Variants in NCOA1 observed in about 807,000 individuals in gnomAD.
The protein encoded by NCOA1 is nuclear receptor coactivator 1.
NCOA1 carries 35 observed loss-of-function variants against 150.9 expected under a neutral mutation model. The ratio of observed to expected loss-of-function variants is 0.23; its 90% confidence interval spans 0.18 to 0.31. NCOA1 has a LOEUF of 0.31. Ranked by LOEUF, NCOA1 falls within the 10% of genes least tolerant of loss-of-function variation. The pLI is 1.00. For missense variants in NCOA1, 1,491 were observed against 1,749.3 expected (o/e 0.85, Z 2.63); for synonymous variants, 590 against 630.0 (o/e 0.94, Z 0.95).
At chr2:24,644,658 G>A (rs1321397520) in intron 4 of NCOA1, among the ~76,000 whole-genome samples, 2 of 151,992 alleles carry the variant, frequency 1.3e-5, no homozygotes, top group East Asian at 1.9e-4. Flanking sequence ...ACTAATGGGA[G>A]CAGTAGAAAA....
intron 1 of NCOA1, among the ~76,000 whole-genome samples, chr2:24,526,569 A>C (rs1460344414): frequency 6.6e-6 from 1 of 152,196 alleles, no homozygotes; most frequent in Non-Finnish European, 1.5e-5. Context: ...TCCATGAAAT[A>C]ATCTAGGGGA....
Position 24,704,107 on chromosome 2 carries a change from T to A in NCOA1, c.950-979T>A, listed in dbSNP as rs183021116. Among the ~76,000 whole-genome samples, 280 of 152,298 alleles carry A rather than the reference T, an allele frequency of 1.8e-3. 1 individual carries two copies. Among genetic ancestry groups the A allele is most frequent in the Non-Finnish European group, 3.1e-3 (212 of 68,008 alleles). The stretch of plus-strand genomic sequence containing the variant: ...AAGTGACTTGACTGCCTTAACTTAG[T>A]TTTTGTTCCTTATACTAATAACCAT... On this transcript the variant is annotated intron_variant, in intron 11 of 22. Transcript: ENST00000348332.
rs1361143283 is a variant in NCOA1 at position 24,523,519 on chromosome 2, T to C, written c.-396+31917T>C. On this transcript the variant is annotated intron_variant, in intron 1 of 22. Coordinates refer to ENST00000348332, the MANE Select transcript of NCOA1 (RefSeq NM_003743.5). ...TACTCGGGAGGCTGAGGCAGGAGAA[T>C]GGCGTGAACCCGGGAGATGGAGCTT... 2.1e-5 allele frequency among the ~76,000 whole-genome samples: 3 copies of C among 142,626 alleles called. No homozygotes were observed. The East Asian group carries it at 6.1e-4, about 29-fold the overall frequency. 93.6% of individuals were successfully genotyped at this position (142,626 alleles called of 152,430 possible).
At chr2:24,762,825 C>T (rs1664853089) in intron 22 of NCOA1, 49 bp downstream of exon 22, 3 of 1,485,368 alleles carry the variant, frequency 2.0e-6, no homozygotes, top group East Asian at 4.5e-5. Context: ...ACTCTAGATG[C>T]ACAGAGGTCA....
At chr2:24,558,268 CTTAA>C (rs1666159135) in intron 1 of NCOA1, among the ~76,000 whole-genome samples, 1 of 152,166 alleles carries the variant, frequency 6.6e-6, no homozygotes, top group East Asian at 1.9e-4. Flanking sequence ...TGCTGCTGAA[CTTAA>C]CTAAGTTTGT....
At chr2:24,556,455 C>T (rs373438843) in intron 1 of NCOA1, among the ~76,000 whole-genome samples, 78 of 152,242 alleles carry the variant, frequency 5.1e-4, no homozygotes, top group Admixed American at 1.0e-3. Flanking sequence ...AGTGAACATA[C>T]GCTTGCATGT....
intron 4 of NCOA1, among the ~76,000 whole-genome samples, chr2:24,646,823 G>A (rs1670497167): frequency 6.6e-6 from 1 of 151,032 alleles, no homozygotes; most frequent in Admixed American, 6.6e-5. Context: ...AGATAATTTA[G>A]GTGTTATTGA....
At chr2:24,517,455 T>G (rs988168294) in intron 1 of NCOA1, among the ~76,000 whole-genome samples, 8 of 152,156 alleles carry the variant, frequency 5.3e-5, no homozygotes, top group Non-Finnish European at 1.2e-4. Flanking sequence ...GGATTTCCCT[T>G]ATCTGGAGCT....
intron 1 of NCOA1, among the ~76,000 whole-genome samples, chr2:24,494,088 GTCT>G (rs959707135): frequency 6.6e-6 from 1 of 152,196 alleles, no homozygotes; most frequent in Non-Finnish European, 1.5e-5. Flanking sequence ...TTCTGTGCAT[GTCT>G]TCTTGATCCT....
chr2:24,675,539 C>G (rs1671864431), intron 7 of NCOA1, among the ~76,000 whole-genome samples: 2 of 152,102 alleles, frequency 1.3e-5, no homozygotes, highest in Non-Finnish European at 2.9e-5. Flanking sequence ...AGAAAATTTC[C>G]CAGAGGAAAT....
intron 1 of NCOA1, among the ~76,000 whole-genome samples, chr2:24,498,904 A>G (rs1185833409): frequency 1.3e-5 from 2 of 152,018 alleles, no homozygotes; most frequent in Non-Finnish European, 2.9e-5. Flanking sequence ...CCACATTGGG[A>G]ACTTATTCAC....
intron 3 of NCOA1, among the ~76,000 whole-genome samples, chr2:24,626,032 A>T (rs928626959): frequency 9.2e-5 from 14 of 152,214 alleles, no homozygotes; most frequent in Admixed American, 2.6e-4. Flanking sequence ...GGCTGATCAG[A>T]TCTACCATGT....
chr2:24,595,365 A>G (rs1043203503), intron 3 of NCOA1, among the ~76,000 whole-genome samples: 13 of 152,140 alleles, frequency 8.5e-5, no homozygotes, highest in African/African-American at 3.1e-4. Context: ...GGACCACTTC[A>G]GAGGCTCATT....
chr2:24,766,789 G>C (rs143137414), intron 22 of NCOA1, among the ~76,000 whole-genome samples: 1 of 152,060 alleles, frequency 6.6e-6, no homozygotes, highest in Non-Finnish European at 1.5e-5. Flanking sequence ...AGAATGAGAC[G>C]TTACAGACCA....
At chr2:24,518,501 T>TAA (rs375497557) in intron 1 of NCOA1, among the ~76,000 whole-genome samples, 23 of 147,216 alleles carry the variant, frequency 1.6e-4, no homozygotes, top group African/African-American at 5.7e-4. Flanking sequence ...TATGATGAAG[T>TAA]AAAAAAAAAA....
In NCOA1 at chr2:24,532,013, A is replaced by C. The variant is rs543623536; in HGVS notation, c.-395-32282A>C. Among the ~76,000 whole-genome samples, 13 of 152,272 alleles carry C rather than the reference A, an allele frequency of 8.5e-5. No homozygotes were observed. The South Asian group carries it at 2.7e-3, about 32-fold the overall frequency. On this transcript the variant is annotated intron_variant, in intron 1 of 22. Transcript: ENST00000348332. Reference sequence around the variant, plus strand: ...GGTCAAATGGTATTTCTAGTTCTAGATCCTTGAGGAATTGCTACACTGTTT... The same window carrying C: ...GGTCAAATGGTATTTCTAGTTCTAGCTCCTTGAGGAATTGCTACACTGTTT...
At chr2:24,529,032 G>A (rs1238427181) in intron 1 of NCOA1, among the ~76,000 whole-genome samples, 10 of 151,956 alleles carry the variant, frequency 6.6e-5, no homozygotes, top group African/African-American at 2.4e-4. Flanking sequence ...GACTACAGGC[G>A]CCCGCCACCA....
chr2:24,496,673 A>G (rs1009269181), intron 1 of NCOA1, among the ~76,000 whole-genome samples: 2 of 152,204 alleles, frequency 1.3e-5, no homozygotes, highest in Non-Finnish European at 1.5e-5. Flanking sequence ...GAACTACAAC[A>G]TTTAGAGTTA....
rs1327003188 is a variant in NCOA1 at position 24,685,121 on chromosome 2, A to G, written c.532+1993A>G. Among the ~76,000 whole-genome samples, 3 of 152,206 alleles carry G rather than the reference A, an allele frequency of 2.0e-5. No homozygotes were observed. The East Asian group carries it at 5.8e-4, about 29-fold the overall frequency. On this transcript the variant is annotated intron_variant, in intron 8 of 22. Transcript: ENST00000348332. ...TTATATATATATATTCACCTTATAT[A>G]CATATATCACATATACATGATTCAA...
Sources: allele counts gnomAD v4.1 joint callset (sites outside exome capture counted in the v4.1 genomes callset), GRCh38; gene constraint gnomAD v4.1.1; transcripts MANE v1.5; gene names NCBI Gene and HGNC (gene_info 2026-07-23, HGNC 2026-07-21).